MECOM: variants seen among roughly 807,000 people sequenced by gnomAD.
The protein encoded by MECOM is MDS1 and EVI1 complex locus.
Under a neutral mutation model 116.3 loss-of-function variants are expected in MECOM, and 13 were observed. The observed-to-expected ratio is 0.11, with a 90% CI of 0.07 to 0.18. The LOEUF is 0.18. Among genes scored for constraint, MECOM ranks in the 10% least tolerant of loss-of-function variants. MECOM has a pLI of 1.00. For synonymous variants in MECOM, 528 were observed against 535.2 expected, an observed-to-expected ratio of 0.99 and a Z score of 0.19; for missense variants, 1,299 against 1,509.0, an observed-to-expected ratio of 0.86 and a Z score of 2.31.
intron 1 of MECOM, among the ~76,000 whole-genome samples, chr3:169,623,102 C>T (rs906422928): frequency 6.6e-6 from 1 of 152,142 alleles, no homozygotes; most frequent in Middle Eastern, 3.2e-3. Flanking sequence ...AGATGTGAAG[C>T]CCCTTACCTG....
intron 5 of MECOM, among the ~76,000 whole-genome samples, chr3:169,125,702 G>A (rs1732597281): frequency 6.6e-6 from 1 of 152,120 alleles, no homozygotes; most frequent in Non-Finnish European, 1.5e-5. Flanking sequence ...AAGCAATGCA[G>A]TCAGTCAGTG....
chr3:169,235,171 T>C (rs1305409906), intron 2 of MECOM, among the ~76,000 whole-genome samples: 1 of 152,196 alleles, frequency 6.6e-6, no homozygotes, highest in Non-Finnish European at 1.5e-5. Context: ...TCTATTATCA[T>C]CAATGTGATT....
intron 1 of MECOM, among the ~76,000 whole-genome samples, chr3:169,469,079 C>G (rs1464136764): frequency 6.6e-6 from 1 of 151,954 alleles, no homozygotes; most frequent in East Asian, 1.9e-4. Flanking sequence ...AGGGACAGAT[C>G]GTTACAATTC....
chr3:169,470,936 G>C (rs1749122935), intron 1 of MECOM, among the ~76,000 whole-genome samples: 2 of 151,890 alleles, frequency 1.3e-5, no homozygotes, highest in South Asian at 4.1e-4. Flanking sequence ...TTTTGTTTTA[G>C]GGGGGCTTGT....
chr3:169,105,704 A>T (rs765584058), intron 10 of MECOM, among the ~76,000 whole-genome samples: 6 of 152,134 alleles, frequency 3.9e-5, no homozygotes, highest in Non-Finnish European at 7.4e-5. Flanking sequence ...CCTATGGAAC[A>T]GTAATTTTTA....
intron 4 of MECOM, among the ~76,000 whole-genome samples, chr3:169,129,803 C>T (rs1340825438): frequency 6.6e-6 from 1 of 152,122 alleles, no homozygotes; most frequent in Non-Finnish European, 1.5e-5. Context: ...ACTAGCCATG[C>T]ATTCTTGGAC....
At chr3:169,315,835 C>A (rs546064164) in intron 2 of MECOM, among the ~76,000 whole-genome samples, 3 of 152,230 alleles carry the variant, frequency 2.0e-5, no homozygotes, top group South Asian at 4.1e-4. Flanking sequence ...GGTGTAATGT[C>A]ACCAATGTAA....
At chr3:169,495,901 C>CG (rs546240653) in intron 1 of MECOM, among the ~76,000 whole-genome samples, 3,807 of 152,186 alleles carry the variant, frequency 0.025, 161 homozygotes, top group African/African-American at 0.087. Context: ...AGAGCTGTGT[C>CG]ATAAGACTGA....
Position 169,089,034 on chromosome 3 carries a change from A to G in MECOM, c.3551T>C (p.Leu1184Pro), listed in dbSNP as rs1390192785. ...GGACTTTCTGTGTAACGGCTGCTTAAGTTCCTCTGGCACATGGGAAGTACT... is the reference window on the plus strand; with the variant it reads ...GGACTTTCTGTGTAACGGCTGCTTAGGTTCCTCTGGCACATGGGAAGTACT... ...SFSTSHVPEE[L>P]KQPLHRKSKS... The change falls in exon 16 of 17, where the codon CTT becomes CCT. Residue 1184 changes from leucine to proline, a missense_variant. Around this residue, in one of 6 missense-constraint regions of MECOM, gnomAD observed 273 missense variants for 289.3 expected, o/e 0.94. Transcript: ENST00000651503. The G allele has an allele frequency of 1.2e-6, 2 of 1,605,188 alleles. No individual in the cohort carries two copies. The highest frequency in any genetic ancestry group is 3.4e-5 in the Admixed American group (2 of 58,008).
chr3:169,104,080 C>T (rs1337140016), intron 10 of MECOM, among the ~76,000 whole-genome samples: 1 of 152,160 alleles, frequency 6.6e-6, no homozygotes, highest in African/African-American at 2.4e-5. Flanking sequence ...GCAGTAAGGG[C>T]TATAAGCTCA....
chr3:169,254,177 CAGA>C (rs1577479249), intron 2 of MECOM, among the ~76,000 whole-genome samples: 2 of 152,006 alleles, frequency 1.3e-5, no homozygotes, highest in African/African-American at 2.4e-5. Flanking sequence ...TATAATCAAC[CAGA>C]AGATGTCATT....
intron 1 of MECOM, among the ~76,000 whole-genome samples, chr3:169,521,412 AC>A (rs1024246939): frequency 3.9e-5 from 6 of 152,152 alleles, no homozygotes; most frequent in Admixed American, 3.3e-4. Context: ...GGCTGCCTTT[AC>A]TTTTTGGTGT....
At chr3:169,261,632 C>T (rs1037070381) in intron 2 of MECOM, among the ~76,000 whole-genome samples, 4 of 152,022 alleles carry the variant, frequency 2.6e-5, no homozygotes, top group Admixed American at 1.3e-4. Flanking sequence ...ACCCAGGAGG[C>T]AGAGGTTGCA....
intron 2 of MECOM, among the ~76,000 whole-genome samples, chr3:169,246,763 G>A (rs1053705283): frequency 2.0e-5 from 3 of 151,960 alleles, no homozygotes; most frequent in Admixed American, 6.6e-5. Flanking sequence ...CTCATGATCC[G>A]CCCGCCTTGG....
intron 1 of MECOM, among the ~76,000 whole-genome samples, chr3:169,467,649 T>C (rs911408985): frequency 1.3e-5 from 2 of 152,234 alleles, no homozygotes; most frequent in African/African-American, 4.8e-5. Flanking sequence ...ATGCCTCAGC[T>C]GTTTGTAGTC....
chr3:169,116,587 C>G lies in MECOM; in HGVS notation c.1285G>C (p.Gly429Arg). The G allele has an allele frequency of 6.2e-7, 1 of 1,614,150 alleles. No individual in the cohort carries two copies. The highest frequency in any genetic ancestry group is 2.2e-5 in the East Asian group (1 of 44,882). Reference sequence around the variant, plus strand: ...CCACCTGCCGCAAAATGGTTCTTGCCCTCACAAAACCTCCTGTGTTTATTT... The same window carrying G: ...CCACCTGCCGCAAAATGGTTCTTGCGCTCACAAAACCTCCTGTGTTTATTT... ...SLNKHRRFCE[G>R]KNHFAAGGFF... is the part of the protein sequence containing the mutation. Residue 429 changes from glycine to arginine, a missense_variant, in exon 8 of 17, where the codon GGC (glycine) becomes CGC (arginine). Around this residue, in one of 6 missense-constraint regions of MECOM, gnomAD observed 238 missense variants for 273.1 expected, o/e 0.87. Coordinates refer to ENST00000651503, the MANE Select transcript of MECOM (RefSeq NM_004991.4).
intron 2 of MECOM, among the ~76,000 whole-genome samples, chr3:169,174,147 G>A (rs1180653039): frequency 6.6e-6 from 1 of 152,128 alleles, no homozygotes; most frequent in African/African-American, 2.4e-5. Flanking sequence ...ATTTTGGTAT[G>A]CTTCCACAGT....
At chr3:169,161,476 A>AGTT (rs1388023265) in intron 2 of MECOM, among the ~76,000 whole-genome samples, 3 of 152,154 alleles carry the variant, frequency 2.0e-5, no homozygotes, top group Non-Finnish European at 2.9e-5. Context: ...AAGACAAAAG[A>AGTT]CTTTTTTTTC....
At chr3:169,453,301 T>C (rs1401720544) in intron 1 of MECOM, among the ~76,000 whole-genome samples, 1 of 152,242 alleles carries the variant, frequency 6.6e-6, no homozygotes, top group Admixed American at 6.5e-5. Context: ...ACAAATGGCC[T>C]ATTAATTATC....
Sources: gnomAD v4.1 joint callset for allele counts (sites outside exome capture counted in the v4.1 genomes callset) on GRCh38, gnomAD v4.1.1 for gene constraint, gnomAD v4.1.1 regional missense constraint, MANE v1.5 for transcripts, NCBI Gene and HGNC (gene_info 2026-07-23, HGNC 2026-07-21) for gene names.